The following MIA2 variants were observed in gnomAD, a reference collection of about 807,000 sequenced individuals.
MIA2 encodes melanoma inhibitory activity protein 2.
A neutral mutation model predicts 167.8 loss-of-function variants in MIA2; 127 were observed. The observed-to-expected ratio is 0.76, with a 90% CI of 0.66 to 0.88. The LOEUF (loss-of-function observed/expected upper bound fraction) is 0.88. Among genes scored for constraint, MIA2 ranks in the 40% least tolerant of loss-of-function variants. The pLI is 0.00. For missense variants in MIA2, 1,690 were observed against 1,624.7 expected, an observed-to-expected ratio of 1.04 and a Z score of -0.69; for synonymous variants, 552 against 541.9, an observed-to-expected ratio of 1.02 and a Z score of -0.26.
At chr14:39,252,544 T>A (rs2054626231) in intron 4 of MIA2, among the ~76,000 whole-genome samples, 2 of 152,204 alleles carry the variant, frequency 1.3e-5, no homozygotes, top group African/African-American at 4.8e-5. Flanking sequence ...TTGCATTGTT[T>A]AAACCACTAA....
intron 23 of MIA2, chr14:39,385,329 A>T: frequency 1.3e-6 from 1 of 776,968 alleles, no homozygotes; most frequent in East Asian, 2.4e-5. Flanking sequence ...CTCTTTAAAA[A>T]AAAAAGTTCA....
At chr14:39,348,305 T>G (rs1369682779) in intron 27 of MIA2, among the ~76,000 whole-genome samples, 2 of 152,224 alleles carry the variant, frequency 1.3e-5, no homozygotes, top group Non-Finnish European at 2.9e-5. Flanking sequence ...ACTAGGAGTT[T>G]GAGTTAGTTT....
At chr14:39,291,628 T>C (rs1350647858) in intron 10 of MIA2, among the ~76,000 whole-genome samples, 1 of 152,166 alleles carries the variant, frequency 6.6e-6, no homozygotes, top group Non-Finnish European at 1.5e-5. Context: ...GCAGCCTTAT[T>C]TGTAGCATTT....
intron 9 of MIA2, among the ~76,000 whole-genome samples, chr14:39,288,957 G>A (rs1324898306): frequency 6.6e-6 from 1 of 152,098 alleles, no homozygotes; most frequent in Non-Finnish European, 1.5e-5. Flanking sequence ...TCTTGGTCTG[G>A]CTTAGGTATC....
chr14:39,351,809 A>G (rs564284603), downstream of MIA2, among the ~76,000 whole-genome samples: 159 of 152,234 alleles, frequency 1.0e-3, no homozygotes, highest in African/African-American at 3.6e-3. Flanking sequence ...GGGTTTCACC[A>G]TGTTAGCCAG....
intron 23 of MIA2, among the ~76,000 whole-genome samples, chr14:39,364,911 A>G (rs531037841): frequency 3.3e-5 from 5 of 152,056 alleles, no homozygotes; most frequent in African/African-American, 9.6e-5. Context: ...CAGTTTGACT[A>G]TAATGTGCTG....
chr14:39,265,127 A>G (rs1431605853), intron 6 of MIA2, among the ~76,000 whole-genome samples: 1 of 151,004 alleles, frequency 6.6e-6, no homozygotes, highest in Non-Finnish European at 1.5e-5. Flanking sequence ...ACATTTTAAA[A>G]AACATATATA....
intron 24 of MIA2, among the ~76,000 whole-genome samples, chr14:39,325,156 G>A (rs2067227958): frequency 1.3e-5 from 2 of 151,944 alleles, no homozygotes; most frequent in Admixed American, 1.3e-4. Context: ...CTAGGAGGCG[G>A]AGGTTGCAGT....
chr14:39,312,363 A>G (rs117084188), intron 18 of MIA2, among the ~76,000 whole-genome samples: 2 of 152,364 alleles, frequency 1.3e-5, no homozygotes, highest in Non-Finnish European at 2.9e-5. Context: ...TTATTTTCTT[A>G]TAACATCCAT....
At chr14:39,386,390 A>G in intron 23 of MIA2, 1 of 1,552,070 alleles carries the variant, frequency 6.4e-7, no homozygotes, top group South Asian at 1.1e-5. Context: ...GCAAACGCTT[A>G]CACTACGTTT....
At chr14:39,265,149 ATG>A (rs772215694) in intron 6 of MIA2, 42 of 376,030 alleles carry the variant, frequency 1.1e-4, no homozygotes, top group Non-Finnish European at 9.5e-5. Flanking sequence ...GTGCATATGT[ATG>A]TGTGTGAGTA....
chr14:39,313,945 T>C (rs2064847406), intron 19 of MIA2, among the ~76,000 whole-genome samples: 1 of 152,206 alleles, frequency 6.6e-6, no homozygotes, highest in African/African-American at 2.4e-5. Flanking sequence ...GATTCAGCAG[T>C]ATCCCAAATA....
At chr14:39,340,403 A>G (rs936649727) in intron 25 of MIA2, among the ~76,000 whole-genome samples, 2 of 152,200 alleles carry the variant, frequency 1.3e-5, no homozygotes, top group Non-Finnish European at 2.9e-5. Context: ...GTACAGCTAA[A>G]TTGATGAGAA....
chr14:39,299,655 T>C (rs1225339621), intron 13 of MIA2, among the ~76,000 whole-genome samples: 4 of 152,342 alleles, frequency 2.6e-5, no homozygotes, highest in South Asian at 2.1e-4. Flanking sequence ...ATCTAAGATA[T>C]GTATATCTCA....
chr14:39,291,481 A>G (rs2060733519), intron 10 of MIA2, among the ~76,000 whole-genome samples: 1 of 152,240 alleles, frequency 6.6e-6, no homozygotes. Flanking sequence ...GTTGGCAACA[A>G]TAACTTTGTA....
In MIA2 at chr14:39,246,834, C is replaced by T. The variant is rs2054336983; in HGVS notation, c.337-77C>T. 4 of 781,992 alleles carry T rather than the reference C, an allele frequency of 5.1e-6. No individual in the cohort carries two copies. In the South Asian group the frequency reaches 9.1e-5, roughly 18 times the overall value. 48.4% of individuals were successfully genotyped at this position (781,992 alleles called of 1,614,324 possible). A position where few individuals can be genotyped will look rare whatever the true frequency, so the allele number is the denominator to read the frequency against. ...TGTGTCTTGGGAATATCACAATCAT[C>T]CATTTTAAATGACTCAGGGAGAAAC... On this transcript the variant is annotated intron_variant, in intron 3 of 28. Transcript: ENST00000640607.
intron 2 of MIA2, among the ~76,000 whole-genome samples, chr14:39,239,583 C>A (rs138219479): frequency 2.2e-3 from 330 of 152,162 alleles, no homozygotes; most frequent in African/African-American, 7.3e-3. Context: ...AAAACAAAAA[C>A]AAAATCTATA....
At chr14:39,358,547 C>T (rs1361365804) in intron 23 of MIA2, among the ~76,000 whole-genome samples, 2 of 152,122 alleles carry the variant, frequency 1.3e-5, no homozygotes, top group East Asian at 3.9e-4. Flanking sequence ...AGCCTTCTCT[C>T]AACCCGTTAA....
intron 18 of MIA2, 64 bp downstream of exon 18, chr14:39,308,651 A>G: frequency 8.5e-7 from 1 of 1,182,862 alleles, no homozygotes; most frequent in Non-Finnish European, 1.2e-6. Flanking sequence ...TATATGTTAC[A>G]TAGTTAGCTA....
Sources: allele counts gnomAD v4.1 joint callset (sites outside exome capture counted in the v4.1 genomes callset), GRCh38; gene constraint gnomAD v4.1.1; transcripts MANE v1.5; gene names NCBI Gene and HGNC (gene_info 2026-07-23, HGNC 2026-07-21).